GET3: variants seen among roughly 807,000 people sequenced by gnomAD.
GET3 encodes the protein guided entry of tail-anchored proteins factor 3, ATPase.
In GET3, 15 loss-of-function variants were observed where a neutral mutation model predicts 32.4. The observed-to-expected ratio is 0.46, with a 90% CI of 0.31 to 0.71. The LOEUF is 0.71. Among genes scored for constraint, GET3 ranks in the 30% least tolerant of loss-of-function variants. The pLI, the probability that GET3 is intolerant of heterozygous loss-of-function variation, is 0.05. For synonymous variants in GET3, 198 were observed against 185.6 expected (o/e 1.07, Z -0.54); for missense variants, 333 against 459.0 (o/e 0.73, Z 2.51).
chr19:12,739,461 G>A (rs1967626820), intron 2 of GET3, among the ~76,000 whole-genome samples: 3 of 152,096 alleles, frequency 2.0e-5, no homozygotes, highest in African/African-American at 7.2e-5. Context: ...CCACCACATC[G>A]CACCAGGGAT....
At chr19:12,743,026 G>A (rs1967698920) in intron 2 of GET3, among the ~76,000 whole-genome samples, 1 of 152,170 alleles carries the variant, frequency 6.6e-6, no homozygotes, top group African/African-American at 2.4e-5. Flanking sequence ...GGATGAAGTA[G>A]TCCAAAGAAG....
intron 2 of GET3, among the ~76,000 whole-genome samples, chr19:12,741,863 G>A (rs1026632329): frequency 2.0e-5 from 3 of 152,146 alleles, no homozygotes; most frequent in Non-Finnish European, 4.4e-5. Flanking sequence ...AGGTCACAGT[G>A]AGTCGAGATT....
At position 12,741,608 on chromosome 19, in the gene GET3, A is replaced by G. The variant is rs552035312; in HGVS notation, c.309+2950A>G. 9.9e-5 allele frequency among the ~76,000 whole-genome samples: 15 copies of G among 151,602 alleles called. No homozygotes were observed. The South Asian group carries it at 2.9e-3, about 29-fold the overall frequency. ...ACCCCGTCTCTACTAAAAATACAAA[A>G]ATTAGCCTTGCGTGGTGGCCGGCAC... is the stretch of plus-strand genomic sequence containing the variant. On this transcript the variant is annotated intron_variant, in intron 2 of 6. Coordinates refer to ENST00000357332, the MANE Select transcript of GET3 (RefSeq NM_004317.4).
intron 4 of GET3, among the ~76,000 whole-genome samples, chr19:12,746,174 C>A (rs1053241432): frequency 6.6e-6 from 1 of 152,104 alleles, no homozygotes; most frequent in Non-Finnish European, 1.5e-5. Flanking sequence ...GCTCTGTCAC[C>A]CAGGCTGGAG....
Position 12,748,199 on chromosome 19 carries a change from A to G in GET3, c.*95A>G. ...GTTTGCACAAAGTCCCCCCCATAAT[A>G]CAGGGGGAGCCACTTGGGCAGGAGG... On this transcript the variant is annotated 3_prime_UTR_variant, in exon 7 of 7. Coordinates refer to ENST00000357332, the MANE Select transcript of GET3 (RefSeq NM_004317.4). The G allele has an allele frequency of 1.7e-6, 2 of 1,162,136 alleles. No homozygotes were observed. The highest frequency in any genetic ancestry group is 1.6e-5 in the African/African-American group (1 of 64,166). The allele number at this position is 1,162,136 out of a possible 1,614,324, so 72.0% of individuals were successfully genotyped here.
At chr19:12,743,716 C>CCA (rs1418310410) in intron 2 of GET3, among the ~76,000 whole-genome samples, 1 of 138,548 alleles carries the variant, frequency 7.2e-6, no homozygotes, top group Non-Finnish European at 1.6e-5. Context: ...GAGCGAGACT[C>CCA]CATCTCTTTT....
At chr19:12,743,726 T>G (rs1203583531) in intron 2 of GET3, among the ~76,000 whole-genome samples, 1 of 93,772 alleles carries the variant, frequency 1.1e-5, no homozygotes, top group African/African-American at 4.4e-5. Flanking sequence ...CCATCTCTTT[T>G]TTTTTTTTTT....
chr19:12,745,825 C>T lies in GET3; in HGVS notation c.609+66C>T. The T allele has an allele frequency of 6.5e-7, 1 of 1,529,544 alleles. No individual in the cohort carries two copies. Among genetic ancestry groups the T allele is most frequent in the Non-Finnish European group, 8.7e-7 (1 of 1,143,248 alleles). 94.7% of individuals were successfully genotyped at this position (1,529,544 alleles called of 1,614,324 possible). A position where few individuals can be genotyped will look rare whatever the true frequency, so the allele number is the denominator to read the frequency against. ...GGGAGTGGGAGTAGGCCCGGGCCCC[C>T]AGACCCTCAAATGCGCACTAACAAT... On this transcript the variant is annotated intron_variant, in intron 4 of 6. Transcript: ENST00000357332. The surrounding 1 kb of genome is among the most constrained non-coding windows in gnomAD (Gnocchi z 5.0).
intron 2 of GET3, among the ~76,000 whole-genome samples, chr19:12,740,631 C>T (rs1210276257): frequency 6.6e-6 from 1 of 152,114 alleles, no homozygotes; most frequent in Non-Finnish European, 1.5e-5. Context: ...GAGCCGAGAT[C>T]GCGCCACTGC....
Position 12,748,073 on chromosome 19 carries a change from T to A in GET3, c.1016T>A (p.Leu339Gln), listed in dbSNP as rs1435232254. ...DKVNTFSALL[L>Q]EPYKPPSAQ ...GTCAACACCTTCTCGGCCCTCCTCC[T>A]GGAGCCCTACAAGCCCCCCAGTGCC... Residue 339 changes from leucine to glutamine, a missense_variant, in exon 7 of 7, where the codon CTG becomes CAG. Physicochemically the swap from Leu to Gln is moderately radical, Grantham distance 113 (BLOSUM62 -2). This residue lies in a region of GET3 where 39 missense variants were observed against 33.0 expected (regional missense o/e 1.18). Transcript: ENST00000357332. 1 of 1,609,730 alleles carries A rather than the reference T, an allele frequency of 6.2e-7. No homozygotes were observed. Among genetic ancestry groups the A allele is most frequent in the Non-Finnish European group, 8.5e-7 (1 of 1,177,220 alleles).
At position 12,745,413 on chromosome 19, in the gene GET3, G is replaced by C; in HGVS notation, c.346G>C (p.Asp116His). Residue 116 changes from aspartate to histidine, a missense_variant, in exon 3 of 7, where the codon GAC becomes CAC. By Grantham distance (81) the Asp-to-His change is moderately conservative. Around this residue, in one of 3 missense-constraint regions of GET3, gnomAD observed 230 missense variants for 389.2 expected, o/e 0.59. Coordinates refer to ENST00000357332, the MANE Select transcript of GET3 (RefSeq NM_004317.4). This position sits in a 1 kb window ranked among gnomAD's most constrained non-coding sequence, Gnocchi z 5.0. ...DPSLGVAELP[D>H]EFFEEDNMLS... Reference sequence around the variant, plus strand: ...CAGCCTGGGCGTGGCGGAGCTGCCTGACGAGTTCTTCGAGGAGGACAACAT... The same window carrying C: ...CAGCCTGGGCGTGGCGGAGCTGCCTCACGAGTTCTTCGAGGAGGACAACAT... The C allele has an allele frequency of 6.2e-7, 1 of 1,612,368 alleles. No homozygotes were observed. Among genetic ancestry groups the C allele is most frequent in the Non-Finnish European group, 8.5e-7 (1 of 1,179,974 alleles).
rs778762053 is a variant in GET3, at chr19:12,737,646, T to C, written c.141T>C (p.Gly47=). Residue 47 remains glycine (G), a synonymous_variant, in exon 1 of 7, where the codon GGT becomes GGC. Transcript: ENST00000357332. ...LKWIFVGGKG[G]VGKTTCSCSL... is the part of the protein sequence containing the mutation. ...GGATCTTCGTCGGGGGCAAGGGTGGTGTGGGCAAGACCACCTGCAGGTAAG... is the reference window on the plus strand; with the variant it reads ...GGATCTTCGTCGGGGGCAAGGGTGGCGTGGGCAAGACCACCTGCAGGTAAG... 1.9e-6 allele frequency: 3 copies of C among 1,610,240 alleles called. No individual in the cohort carries two copies. The highest frequency in any genetic ancestry group is 2.5e-6 in the Non-Finnish European group (3 of 1,178,844).
chr19:12,742,127 A>G (rs1176440465), intron 2 of GET3, among the ~76,000 whole-genome samples: 1 of 152,022 alleles, frequency 6.6e-6, no homozygotes, highest in Admixed American at 6.6e-5. Flanking sequence ...TTAGCTGGGC[A>G]TGGTGGTGTG....
intron 2 of GET3, among the ~76,000 whole-genome samples, chr19:12,742,874 A>G (rs1967696120): frequency 6.6e-6 from 1 of 152,086 alleles, no homozygotes; most frequent in African/African-American, 2.4e-5. Context: ...AGAAAGAAAA[A>G]AAAAGCTGGA....
chr19:12,745,782 T>C lies in GET3; in HGVS notation c.609+23T>C, dbSNP rs1430737152. The C allele has an allele frequency of 1.5e-5, 24 of 1,582,454 alleles. No homozygotes were observed. The highest frequency in any genetic ancestry group is 2.1e-5 in the Non-Finnish European group (24 of 1,165,404). The stretch of plus-strand genomic sequence containing the variant: ...CAGGCAGGCGGCGGGGGCCCCCACC[T>C]GCACCATCCAGGCAGCCGGGAGTGG... On this transcript the variant is annotated intron_variant, in intron 4 of 6. Coordinates refer to ENST00000357332, the MANE Select transcript of GET3 (RefSeq NM_004317.4). This position sits in a 1 kb window ranked among gnomAD's most constrained non-coding sequence, Gnocchi z 5.0.
chr19:12,740,119 A>G (rs1967639013), intron 2 of GET3, among the ~76,000 whole-genome samples: 2 of 151,622 alleles, frequency 1.3e-5, no homozygotes, highest in Admixed American at 1.3e-4. Flanking sequence ...GCAGTGGCTC[A>G]CTCCTGTCAT....
chr19:12,747,211 G>C lies in GET3; in HGVS notation c.624G>C (p.Leu208=), dbSNP rs761454530. The stretch of plus-strand genomic sequence containing the variant: ...CCCCCCTGCAGATGTGCAACATGCT[G>C]GGCCTGGGGGACATGAACGCAGACC... ...SPFISQMCNM[L]GLGDMNADQL... The change falls in exon 5 of 7, where the codon CTG becomes CTC. Residue 208 remains leucine (L), a synonymous_variant. Coordinates refer to ENST00000357332, the MANE Select transcript of GET3 (RefSeq NM_004317.4). This position sits in a 1 kb window ranked among gnomAD's most constrained non-coding sequence, Gnocchi z 4.0. 4 of 1,605,872 alleles carry C rather than the reference G, an allele frequency of 2.5e-6. No homozygotes were observed. The South Asian group carries it at 4.4e-5, about 18-fold the overall frequency.
intron 2 of GET3, among the ~76,000 whole-genome samples, chr19:12,744,798 T>C (rs1158189123): frequency 6.6e-6 from 1 of 152,072 alleles, no homozygotes; most frequent in Non-Finnish European, 1.5e-5. Context: ...GGCTAATTTT[T>C]TTTTCAGATA....
chr19:12,741,955 G>A (rs1317183159), intron 2 of GET3, among the ~76,000 whole-genome samples: 1 of 152,112 alleles, frequency 6.6e-6, no homozygotes, highest in African/African-American at 2.4e-5. Context: ...TACTCTTCAG[G>A]AGTGTTCGGC....
Sources: gnomAD v4.1 joint callset for allele counts (sites outside exome capture counted in the v4.1 genomes callset) on GRCh38, gnomAD v4.1.1 for gene constraint, gnomAD v4.1.1 regional missense constraint, Gnocchi (gnomAD v3.1) non-coding constraint, MANE v1.5 for transcripts, NCBI Gene and HGNC (gene_info 2026-07-23, HGNC 2026-07-21) for gene names.